Variants in FKBP5 observed in about 807,000 individuals in gnomAD.
FKBP5 encodes the protein FKBP prolyl isomerase 5.
A neutral mutation model predicts 50.5 loss-of-function variants in FKBP5; 23 were observed. The ratio of observed to expected loss-of-function variants is 0.46; its 90% confidence interval spans 0.33 to 0.65. The LOEUF (loss-of-function observed/expected upper bound fraction) is 0.65, where lower values mean the gene tolerates loss of function less well. Among genes scored for constraint, FKBP5 ranks in the 30% least tolerant of loss-of-function variants. The pLI, the probability that FKBP5 is intolerant of heterozygous loss-of-function variation, is 0.02. For synonymous variants in FKBP5, 176 were observed against 190.6 expected (o/e 0.92, Z 0.63); for missense variants, 411 against 553.1 (o/e 0.74, Z 2.58).
upstream of FKBP5, among the ~76,000 whole-genome samples, chr6:35,689,547 T>C (rs1250549586): frequency 1.3e-5 from 2 of 152,098 alleles, no homozygotes; most frequent in Non-Finnish European, 2.9e-5. Flanking sequence ...GGAAGAGGCC[T>C]TACGGCTGAG....
At chr6:35,630,170 A>AAGAG (rs112790704) in intron 3 of FKBP5, among the ~76,000 whole-genome samples, 51 of 146,628 alleles carry the variant, frequency 3.5e-4, no homozygotes, top group African/African-American at 6.5e-4. Context: ...AGGAGGAAGA[A>AAGAG]AGAGAGAGAG....
chr6:35,690,384 G>T (rs1429825016), upstream of FKBP5, among the ~76,000 whole-genome samples: 1 of 151,862 alleles, frequency 6.6e-6, no homozygotes, highest in Non-Finnish European at 1.5e-5. Context: ...TGAGGCAGGA[G>T]AATTGCTTGA....
intron 2 of FKBP5, among the ~76,000 whole-genome samples, chr6:35,711,213 A>T (rs945173670): frequency 6.6e-6 from 1 of 151,300 alleles, no homozygotes; most frequent in Non-Finnish European, 1.5e-5. Flanking sequence ...GCTACTTGGG[A>T]GGCTGAAGTG....
chr6:35,674,722 C>T (rs1329762373), intron 1 of FKBP5, among the ~76,000 whole-genome samples: 1 of 152,218 alleles, frequency 6.6e-6, no homozygotes, highest in Non-Finnish European at 1.5e-5. Flanking sequence ...CTTAAGATGA[C>T]ACAGTAGCAG....
chr6:35,594,393 G>C (rs1187714169), intron 6 of FKBP5, among the ~76,000 whole-genome samples: 2 of 152,110 alleles, frequency 1.3e-5, no homozygotes, highest in African/African-American at 4.8e-5. Context: ...GAGTCTATCA[G>C]AGTATCAGAG....
intron 3 of FKBP5, among the ~76,000 whole-genome samples, chr6:35,628,704 A>C (rs1764067695): frequency 6.6e-6 from 1 of 151,964 alleles, no homozygotes. Flanking sequence ...CCTTTTCCTC[A>C]TATATTTTAG....
chr6:35,721,443 C>A lies in FKBP5; in HGVS notation c.-240-895G>T, dbSNP rs1766608974. Among the ~76,000 whole-genome samples the A allele has an allele frequency of 2.6e-5, 4 of 151,670 alleles. No homozygotes were observed. In the South Asian group the frequency reaches 8.3e-4, roughly 31 times the overall value. ...TTTTTATTTAAAAAACACACATATA[C>A]ACACACCCCAAAATAGTGGCTTTTT... On this transcript the variant is annotated intron_variant, in intron 1 of 11. Transcript: ENST00000536438.
Position 35,617,726 on chromosome 6 carries a change from GA to G in FKBP5, c.508+1369del, listed in dbSNP as rs1370201652. 3.9e-5 allele frequency among the ~76,000 whole-genome samples: 6 copies of G among 152,302 alleles called. No homozygotes were observed. The East Asian group carries it at 1.2e-3, about 29-fold the overall frequency. The stretch of plus-strand genomic sequence containing the variant: ...CAGGAAATGCTGAACACAAAAGGAT[GA>G]AGAAAGATTCTGGTCCTCAAGCACT... On this transcript the variant is annotated intron_variant, in intron 5 of 10. Coordinates refer to ENST00000357266, the MANE Select transcript of FKBP5 (RefSeq NM_004117.4).
intron 5 of FKBP5, among the ~76,000 whole-genome samples, chr6:35,605,105 C>T (rs1364028246): frequency 6.6e-6 from 1 of 151,998 alleles, no homozygotes; most frequent in African/African-American, 2.4e-5. Context: ...TTTTTTAAAA[C>T]AATTTTTGCT....
chr6:35,599,684 G>A (rs1010197185), intron 5 of FKBP5, among the ~76,000 whole-genome samples: 2 of 152,046 alleles, frequency 1.3e-5, no homozygotes, highest in African/African-American at 4.8e-5. Flanking sequence ...TCCAAACAAG[G>A]GCTAGAGTTG....
chr6:35,629,779 G>T (rs1424495022), intron 3 of FKBP5, among the ~76,000 whole-genome samples: 1 of 152,184 alleles, frequency 6.6e-6, no homozygotes, highest in Non-Finnish European at 1.5e-5. Flanking sequence ...TATCCACTCA[G>T]CAGTGGAAAT....
chr6:35,636,954 T>C (rs1764324249), intron 3 of FKBP5, 60 bp downstream of exon 3: 1 of 1,451,580 alleles, frequency 6.9e-7, no homozygotes, highest in African/African-American at 1.4e-5. Flanking sequence ...CCTCTGCTCC[T>C]ATATATTACA....
intron 10 of FKBP5, among the ~76,000 whole-genome samples, chr6:35,576,763 C>G (rs1762231413): frequency 6.6e-6 from 1 of 152,096 alleles, no homozygotes; most frequent in South Asian, 2.1e-4. Context: ...ACTTTTGAAC[C>G]AATCTAATAC....
chr6:35,615,124 AAACAAC>A (rs534273489), intron 5 of FKBP5, among the ~76,000 whole-genome samples: 5 of 148,310 alleles, frequency 3.4e-5, no homozygotes, highest in African/African-American at 5.0e-5. Flanking sequence ...ACTCTGTCGC[AAACAAC>A]AACAACAACA....
chr6:35,642,872 G>T, intron 1 of FKBP5, 29 bp from the exon 2 acceptor site: 1 of 1,493,216 alleles, frequency 6.7e-7, no homozygotes, highest in Non-Finnish European at 9.3e-7. Flanking sequence ...TTTTAGCTGG[G>T]AAAAATATCA....
chr6:35,645,881 G>A (rs1344067720), intron 1 of FKBP5, among the ~76,000 whole-genome samples: 1 of 152,200 alleles, frequency 6.6e-6, no homozygotes, highest in Non-Finnish European at 1.5e-5. Context: ...TTGGGAGGCT[G>A]AGGCGGGTGG....
At chr6:35,629,509 A>C (rs1404673179) in intron 3 of FKBP5, among the ~76,000 whole-genome samples, 2 of 152,164 alleles carry the variant, frequency 1.3e-5, no homozygotes, top group African/African-American at 4.8e-5. Flanking sequence ...GCTTATAATT[A>C]AAACAAACAA....
chr6:35,726,027 G>A (rs1766703107), intron 1 of FKBP5, among the ~76,000 whole-genome samples: 2 of 152,218 alleles, frequency 1.3e-5, no homozygotes, highest in Admixed American at 1.3e-4. Flanking sequence ...AGGGAGCAAT[G>A]AGTGTGTATG....
At chr6:35,694,082 T>C (rs1039801761) in intron 2 of FKBP5, among the ~76,000 whole-genome samples, 12 of 151,832 alleles carry the variant, frequency 7.9e-5, no homozygotes, top group Non-Finnish European at 8.8e-5. Flanking sequence ...CAAAGGATCC[T>C]ACTGCCTTGG....
Sources: gnomAD v4.1 joint callset for allele counts (sites outside exome capture counted in the v4.1 genomes callset) on GRCh38, gnomAD v4.1.1 for gene constraint, MANE v1.5 for transcripts, NCBI Gene and HGNC (gene_info 2026-07-23, HGNC 2026-07-21) for gene names.